The following NOL4 variants were observed in gnomAD, a reference collection of about 807,000 sequenced individuals.
NOL4 encodes nucleolar protein 4, also known as cancer/testis antigen 125.
NOL4 carries 17 observed loss-of-function variants against 75.9 expected under a neutral mutation model. The ratio of observed to expected loss-of-function variants is 0.22; its 90% confidence interval spans 0.15 to 0.34. The LOEUF (loss-of-function observed/expected upper bound fraction) is 0.34, where lower values mean the gene tolerates loss of function less well. Among genes scored for constraint, NOL4 ranks in the 10% least tolerant of loss-of-function variants. The pLI is 1.00. For synonymous variants in NOL4, 292 were observed against 289.9 expected (o/e 1.01, Z -0.07); for missense variants, 614 against 793.5 (o/e 0.77, Z 2.72).
chr18:34,217,344 G>A (rs2036966873), intron 1 of NOL4, among the ~76,000 whole-genome samples: 1 of 151,572 alleles, frequency 6.6e-6, no homozygotes, highest in Non-Finnish European at 1.5e-5. Flanking sequence ...GAGTGCAATG[G>A]TGCGATCTCG....
intron 1 of NOL4, among the ~76,000 whole-genome samples, chr18:34,139,886 T>C (rs930867245): frequency 5.3e-5 from 8 of 152,204 alleles, no homozygotes; most frequent in Non-Finnish European, 1.2e-4. Flanking sequence ...GTGTCTTTGT[T>C]CTCATTGGTT....
chr18:34,016,541 T>TG (rs1162633869), intron 6 of NOL4, among the ~76,000 whole-genome samples: 6 of 151,988 alleles, frequency 3.9e-5, no homozygotes, highest in Non-Finnish European at 8.8e-5. Context: ...CAAATACCCA[T>TG]GCCAGGTACG....
chr18:34,012,809 G>T (rs2074450550), intron 6 of NOL4, among the ~76,000 whole-genome samples: 1 of 151,956 alleles, frequency 6.6e-6, no homozygotes, highest in Non-Finnish European at 1.5e-5. Flanking sequence ...GCAAGTATTT[G>T]CTATTTATCA....
intron 9 of NOL4, among the ~76,000 whole-genome samples, chr18:33,926,355 T>G (rs1419381453): frequency 1.6e-5 from 1 of 64,030 alleles, no homozygotes; most frequent in Non-Finnish European, 2.7e-5. Flanking sequence ...GAAGACTCCA[T>G]CTCAAAAAAA....
rs943261868 is a variant in NOL4 at position 34,047,519 on chromosome 18, A to C, written c.773-27918T>G. On this transcript the variant is annotated intron_variant, in intron 5 of 10. Coordinates refer to ENST00000261592, the MANE Select transcript of NOL4 (RefSeq NM_003787.5). ...AGGGGAATACCCATTGATAGTCATA[A>C]ACACAAGGGTTATATATTAATATAA... Among the ~76,000 whole-genome samples the C allele has an allele frequency of 3.9e-5, 6 of 152,142 alleles. No individual in the cohort carries two copies. In the South Asian group the frequency reaches 1.2e-3, roughly 31 times the overall value.
chr18:34,024,709 C>T (rs1201194181), intron 5 of NOL4, among the ~76,000 whole-genome samples: 1 of 152,076 alleles, frequency 6.6e-6, no homozygotes, highest in East Asian at 1.9e-4. Context: ...GCACAGTATA[C>T]TGGAATACTA....
intron 9 of NOL4, among the ~76,000 whole-genome samples, chr18:33,902,082 T>C (rs2065779178): frequency 6.6e-6 from 1 of 152,016 alleles, no homozygotes; most frequent in Non-Finnish European, 1.5e-5. Flanking sequence ...AAGTATGCTG[T>C]AGATGGTTTT....
chr18:34,088,036 GA>G (rs1211962500), intron 5 of NOL4, among the ~76,000 whole-genome samples: 2 of 151,048 alleles, frequency 1.3e-5, no homozygotes, highest in African/African-American at 4.9e-5. Flanking sequence ...TGTTGCAATT[GA>G]AAAATACATA....
At chr18:34,075,815 G>T (rs2145323738) in intron 5 of NOL4, among the ~76,000 whole-genome samples, 1 of 152,228 alleles carries the variant, frequency 6.6e-6, no homozygotes, top group Admixed American at 6.5e-5. Flanking sequence ...TACTTTCTTT[G>T]AGTGCATTTG....
intron 9 of NOL4, among the ~76,000 whole-genome samples, chr18:33,921,945 T>G (rs2145282826): frequency 6.6e-6 from 1 of 152,282 alleles, no homozygotes; most frequent in Non-Finnish European, 1.5e-5. Context: ...GCTCCAAAAC[T>G]AAATATGTGG....
At chr18:33,902,277 T>A in intron 9 of NOL4, among the ~76,000 whole-genome samples, 1 of 152,116 alleles carries the variant, frequency 6.6e-6, no homozygotes, top group East Asian at 1.9e-4. Context: ...TGATTTTTAA[T>A]TCTATAACCT....
chr18:33,883,323 A>G lies in NOL4; in HGVS notation c.1644T>C (p.Asn548=). ...TATGGTAACTATAGGTCCCATTTCC[A>G]TTGATGTACAGCACGTCCTGTGAGC... ...VPGSQDVLYI[N]GNGTYSYHSY... is the part of the protein sequence containing the mutation. Residue 548 remains asparagine, a synonymous_variant, in exon 10 of 11, where the codon AAT becomes AAC. Coordinates refer to ENST00000261592, the MANE Select transcript of NOL4 (RefSeq NM_003787.5). 2 of 1,613,284 alleles carry G rather than the reference A, an allele frequency of 1.2e-6. No homozygotes were observed. Among genetic ancestry groups the G allele is most frequent in the Non-Finnish European group, 8.5e-7 (1 of 1,179,530 alleles).
intron 9 of NOL4, among the ~76,000 whole-genome samples, chr18:33,889,734 T>C (rs2144797789): frequency 6.6e-6 from 1 of 152,252 alleles, no homozygotes; most frequent in South Asian, 2.1e-4. Flanking sequence ...TGGTTCAACA[T>C]ACACAAATCA....
At chr18:33,864,878 G>C (rs149399376) in intron 10 of NOL4, among the ~76,000 whole-genome samples, 1 of 152,132 alleles carries the variant, frequency 6.6e-6, no homozygotes, top group African/African-American at 2.4e-5. Flanking sequence ...GCAGGTGAGA[G>C]AGTATGTGAA....
intron 2 of NOL4, among the ~76,000 whole-genome samples, chr18:34,119,455 A>G (rs911450169): frequency 3.3e-5 from 5 of 152,048 alleles, no homozygotes; most frequent in African/African-American, 1.2e-4. Flanking sequence ...CAATATTAGC[A>G]TTACTCCAAT....
chr18:33,958,212 C>T (rs1193870190), intron 7 of NOL4, 27 bp downstream of exon 7: 1 of 1,571,344 alleles, frequency 6.4e-7, no homozygotes, highest in Non-Finnish European at 8.7e-7. Flanking sequence ...AAAAATTAAA[C>T]CACACTTGGA....
At chr18:34,088,120 T>C (rs928757495) in intron 5 of NOL4, among the ~76,000 whole-genome samples, 1 of 151,958 alleles carries the variant, frequency 6.6e-6, no homozygotes, top group Non-Finnish European at 1.5e-5. Flanking sequence ...CCTTACAAAA[T>C]ATCAATAGTT....
intron 2 of NOL4, among the ~76,000 whole-genome samples, chr18:34,107,998 A>G (rs897110900): frequency 1.8e-4 from 27 of 152,192 alleles, no homozygotes; most frequent in Non-Finnish European, 4.4e-5. Context: ...CAACTTGGAG[A>G]AAGAAGTTCT....
intron 5 of NOL4, among the ~76,000 whole-genome samples, chr18:34,053,996 G>T (rs1210597986): frequency 6.6e-6 from 1 of 151,876 alleles, no homozygotes; most frequent in Non-Finnish European, 1.5e-5. Flanking sequence ...AGATGAAAGT[G>T]AATGTTAAAG....
Sources: allele counts gnomAD v4.1 joint callset (sites outside exome capture counted in the v4.1 genomes callset), GRCh38; gene constraint gnomAD v4.1.1; transcripts MANE v1.5; gene names NCBI Gene and HGNC (gene_info 2026-07-23, HGNC 2026-07-21).